Variants in PTPN13 observed in about 807,000 individuals in gnomAD.
PTPN13 encodes the protein tyrosine-protein phosphatase non-receptor type 13.
PTPN13 carries 191 observed loss-of-function variants against 284.0 expected under a neutral mutation model. The observed-to-expected ratio is 0.67, with a 90% CI of 0.60 to 0.76. The LOEUF (loss-of-function observed/expected upper bound fraction) is 0.76, where lower values mean the gene tolerates loss of function less well. Among genes scored for constraint, PTPN13 ranks in the 30% least tolerant of loss-of-function variants. PTPN13 has a pLI of 0.00. For missense variants in PTPN13, 2,797 were observed against 2,939.9 expected, an observed-to-expected ratio of 0.95 and a Z score of 1.12; for synonymous variants, 986 against 1,022.3, an observed-to-expected ratio of 0.96 and a Z score of 0.68.
chr4:86,637,216 C>T (rs1349946289), intron 2 of PTPN13, among the ~76,000 whole-genome samples: 4 of 151,842 alleles, frequency 2.6e-5, no homozygotes, highest in Admixed American at 1.3e-4. Flanking sequence ...GAGTCCAGGA[C>T]CAGATGGATT....
intron 1 of PTPN13, among the ~76,000 whole-genome samples, chr4:86,619,559 G>A (rs1720980169): frequency 6.6e-6 from 1 of 152,100 alleles, no homozygotes; most frequent in African/African-American, 2.4e-5. Context: ...AGGCAGTGGA[G>A]GGAGGGAAGA....
At position 86,743,954 on chromosome 4, in the gene PTPN13, G is replaced by A. The variant is rs561991673; in HGVS notation, c.2488-1012G>A. The stretch of plus-strand genomic sequence containing the variant: ...CCAGAGACATTAGTCTTAGATCCCC[G>A]ACATGTTGAACACTGGTCTCTTAAG... On this transcript the variant is annotated intron_variant, in intron 16 of 47. Transcript: ENST00000411767. 5.3e-5 allele frequency among the ~76,000 whole-genome samples: 8 copies of A among 152,188 alleles called. No homozygotes were observed. The South Asian group carries it at 8.3e-4, about 16-fold the overall frequency.
chr4:86,714,703 G>A (rs1732818836), intron 7 of PTPN13, among the ~76,000 whole-genome samples: 1 of 152,006 alleles, frequency 6.6e-6, no homozygotes, highest in Non-Finnish European at 1.5e-5. Flanking sequence ...TTGTCTTAAA[G>A]GTCACCAATG....
rs755497216 is a variant in PTPN13, at chr4:86,725,341, G to A, written c.1608+2907G>A. ...CCTTTGGGTATATACCCAGTAATAGGATCGCTGGGTCAAATGGTGTTTCTA... is the reference window on the plus strand; with the variant it reads ...CCTTTGGGTATATACCCAGTAATAGAATCGCTGGGTCAAATGGTGTTTCTA... On this transcript the variant is annotated intron_variant, in intron 10 of 47. Transcript: ENST00000411767. Among the ~76,000 whole-genome samples, 25 of 149,196 alleles carry A rather than the reference G, an allele frequency of 1.7e-4. 3 individuals are homozygous for A. The highest frequency in any genetic ancestry group is 2.4e-4 in the Non-Finnish European group (16 of 66,488).
At chr4:86,733,650 T>C (rs1181420315) in intron 12 of PTPN13, among the ~76,000 whole-genome samples, 2 of 152,150 alleles carry the variant, frequency 1.3e-5, no homozygotes, top group Non-Finnish European at 2.9e-5. Flanking sequence ...GTTTCACTTT[T>C]AGACTAATCA....
intron 2 of PTPN13, among the ~76,000 whole-genome samples, chr4:86,651,496 C>T (rs1027355619): frequency 6.0e-5 from 9 of 150,916 alleles, no homozygotes; most frequent in South Asian, 4.3e-4. Context: ...ATACTGGCTT[C>T]AGAAAATGAG....
In PTPN13 at chr4:86,774,446, A is replaced by G; in HGVS notation, c.5423A>G (p.Gln1808Arg). 6.2e-7 allele frequency: 1 copy of G among 1,605,636 alleles called. No individual in the cohort carries two copies. The highest frequency in any genetic ancestry group is 8.5e-7 in the Non-Finnish European group (1 of 1,175,634). ...GGTTTTACAGTAACCAAAGGCAATC[A>G]GAGAATTGGTTGTTATGTTCATGAT... ...SLGFTVTKGN[Q>R]RIGCYVHDVI... Residue 1808 changes from glutamine to arginine, a missense_variant, in exon 33 of 48, where the codon CAG (glutamine) becomes CGG (arginine). Physicochemically the swap from Gln to Arg is conservative, Grantham distance 43. Transcript: ENST00000411767.
intron 2 of PTPN13, among the ~76,000 whole-genome samples, chr4:86,657,720 T>C (rs541573094): frequency 6.6e-6 from 1 of 152,302 alleles, no homozygotes; most frequent in East Asian, 1.9e-4. Flanking sequence ...ACTGAGTCTC[T>C]TCCATCAGGA....
rs765557763 is a variant in PTPN13, at chr4:86,758,359, C to T, written c.3313+10C>T. ...GCAAAGTATGGCTTGGGTAAGTCAC[C>T]GTGAGATTCTTGAAGGTCTATGATT... On this transcript the variant is annotated intron_variant, in intron 21 of 47. Coordinates refer to ENST00000411767, the MANE Select transcript of PTPN13 (RefSeq NM_080683.3). The T allele has an allele frequency of 3.8e-6, 6 of 1,583,300 alleles. No homozygotes were observed. Among genetic ancestry groups the T allele is most frequent in the African/African-American group, 1.3e-5 (1 of 74,312 alleles).
At chr4:86,745,223 T>G (rs1264501986) in intron 17 of PTPN13, 95 bp downstream of exon 17, 4 of 1,175,972 alleles carry the variant, frequency 3.4e-6, no homozygotes, top group Admixed American at 5.4e-5. Flanking sequence ...GGATGAAAAC[T>G]TACAATGTAT....
At chr4:86,645,725 T>C (rs1374939520) in intron 2 of PTPN13, among the ~76,000 whole-genome samples, 1 of 152,192 alleles carries the variant, frequency 6.6e-6, no homozygotes, top group African/African-American at 2.4e-5. Context: ...TGTGTTCCTG[T>C]ATCGAGAGAC....
At chr4:86,808,590 G>A (rs1242780597) in intron 45 of PTPN13, among the ~76,000 whole-genome samples, 1 of 152,172 alleles carries the variant, frequency 6.6e-6, no homozygotes, top group Admixed American at 6.5e-5. Flanking sequence ...TTCTATTGGT[G>A]TCATGTAAAT....
At chr4:86,685,499 T>C (rs1729351156) in intron 3 of PTPN13, among the ~76,000 whole-genome samples, 1 of 152,090 alleles carries the variant, frequency 6.6e-6, no homozygotes, top group Admixed American at 6.5e-5. Flanking sequence ...GTCCCAGCTA[T>C]TTGAGAAGCT....
chr4:86,785,771 T>C, intron 39 of PTPN13, 77 bp from the exon 40 acceptor site: 2 of 830,642 alleles, frequency 2.4e-6, no homozygotes, highest in Non-Finnish European at 3.6e-6. Flanking sequence ...ACTGCCTTCT[T>C]TTGCAGGCAA....
intron 1 of PTPN13, among the ~76,000 whole-genome samples, chr4:86,610,609 A>C (rs1002196637): frequency 1.3e-5 from 2 of 152,234 alleles, no homozygotes; most frequent in African/African-American, 4.8e-5. Flanking sequence ...GAGTGCTGCC[A>C]CATCTCCTAT....
chr4:86,776,705 A>G (rs1317642986), intron 35 of PTPN13, among the ~76,000 whole-genome samples: 1 of 152,216 alleles, frequency 6.6e-6, no homozygotes, highest in African/African-American at 2.4e-5. Flanking sequence ...CATTACTTAC[A>G]TTACATTATC....
Position 86,734,965 on chromosome 4 carries a change from T to G in PTPN13, c.2151+90T>G, listed in dbSNP as rs1416269619. 3.2e-5 allele frequency: 45 copies of G among 1,395,104 alleles called. 1 individual carries two copies. The East Asian group carries it at 1.1e-3, about 33-fold the overall frequency. The allele number at this position is 1,395,104 out of a possible 1,614,324, so 86.4% of individuals were successfully genotyped here. A position where few individuals can be genotyped will look rare whatever the true frequency, so the allele number is the denominator to read the frequency against. On this transcript the variant is annotated intron_variant, in intron 14 of 47. Transcript: ENST00000411767. ...GACTAAACCTGATTCAGGTGTTTGA[T>G]GTTTAGATCTGAAGATTTTTGAGGC...
intron 1 of PTPN13, among the ~76,000 whole-genome samples, chr4:86,606,980 C>T (rs1764816944): frequency 6.6e-6 from 1 of 151,716 alleles, no homozygotes; most frequent in African/African-American, 2.4e-5. Flanking sequence ...TAATGTTATT[C>T]CAGCTGATAA....
intron 2 of PTPN13, among the ~76,000 whole-genome samples, chr4:86,662,348 T>C (rs1477078818): frequency 6.6e-6 from 1 of 152,234 alleles, no homozygotes; most frequent in Non-Finnish European, 1.5e-5. Flanking sequence ...TATTTATTTA[T>C]TTGAGACGGA....
Sources: gnomAD v4.1 joint callset for allele counts (sites outside exome capture counted in the v4.1 genomes callset) on GRCh38, gnomAD v4.1.1 for gene constraint, MANE v1.5 for transcripts, NCBI Gene and HGNC (gene_info 2026-07-23, HGNC 2026-07-21) for gene names.